Variants in C8orf34 observed in about 807,000 individuals in gnomAD.
C8orf34 encodes the protein chromosome 8 open reading frame 34.
In C8orf34, 65 loss-of-function variants were observed where a neutral mutation model predicts 68.3. That is an observed-to-expected ratio of 0.95 (90% CI 0.78 to 1.17). The LOEUF is 1.17. Ranked by LOEUF, C8orf34 falls within the 50% of genes most tolerant of loss-of-function variation. C8orf34 has a pLI of 0.00. For synonymous variants in C8orf34, 244 were observed against 241.2 expected (o/e 1.01, Z -0.11); for missense variants, 664 against 655.4 (o/e 1.01, Z -0.14).
intron 4 of C8orf34, among the ~76,000 whole-genome samples, chr8:68,485,522 G>A (rs1813036192): frequency 6.6e-6 from 1 of 151,914 alleles, no homozygotes; most frequent in African/African-American, 2.4e-5. Flanking sequence ...GACCAGCCTG[G>A]TCAACATGGT....
intron 1 of C8orf34, among the ~76,000 whole-genome samples, chr8:68,414,186 T>C (rs1043066955): frequency 6.6e-6 from 1 of 152,200 alleles, no homozygotes; most frequent in African/African-American, 2.4e-5. Flanking sequence ...CTCTAATGTA[T>C]TACTCTGCCT....
chr8:68,523,096 T>C (rs974221035), intron 6 of C8orf34, among the ~76,000 whole-genome samples: 4 of 152,186 alleles, frequency 2.6e-5, no homozygotes, highest in African/African-American at 4.8e-5. Context: ...GAAATAACTT[T>C]TAAATTATTT....
At chr8:68,753,627 A>G (rs1822767030) in intron 10 of C8orf34, among the ~76,000 whole-genome samples, 1 of 152,212 alleles carries the variant, frequency 6.6e-6, no homozygotes, top group African/African-American at 2.4e-5. Context: ...AGATTTACAA[A>G]GTAACAGCAT....
chr8:68,801,394 T>C (rs1166916858), intron 12 of C8orf34, among the ~76,000 whole-genome samples: 1 of 152,198 alleles, frequency 6.6e-6, no homozygotes, highest in East Asian at 1.9e-4. Context: ...TACTGTCCAG[T>C]TTGCCATGGT....
intron 11 of C8orf34, among the ~76,000 whole-genome samples, chr8:68,782,495 C>A (rs1288895661): frequency 2.7e-5 from 4 of 147,458 alleles, no homozygotes; most frequent in Non-Finnish European, 5.9e-5. Context: ...ACATTCTACT[C>A]TCTAAAGGAA....
intron 8 of C8orf34, among the ~76,000 whole-genome samples, chr8:68,670,623 C>G (rs1284696565): frequency 1.3e-5 from 2 of 152,046 alleles, no homozygotes; most frequent in Non-Finnish European, 2.9e-5. Flanking sequence ...CATTTAATTC[C>G]TCTAAAAATC....
At chr8:68,808,411 A>G (rs1337327981) in intron 12 of C8orf34, among the ~76,000 whole-genome samples, 2 of 152,072 alleles carry the variant, frequency 1.3e-5, no homozygotes, top group Non-Finnish European at 2.9e-5. Flanking sequence ...TATGTGCTTG[A>G]TAAATATTAG....
intron 5 of C8orf34, among the ~76,000 whole-genome samples, chr8:68,502,152 G>A (rs541095179): frequency 6.8e-4 from 104 of 152,142 alleles, no homozygotes; most frequent in Admixed American, 5.2e-3. Context: ...TGTAACCTCC[G>A]CCTCCCAGGT....
At chr8:68,768,915 T>C (rs1823260912) in intron 10 of C8orf34, among the ~76,000 whole-genome samples, 1 of 152,120 alleles carries the variant, frequency 6.6e-6, no homozygotes, top group Non-Finnish European at 1.5e-5. Flanking sequence ...TTAAGTATAT[T>C]ACTTCATTCT....
At chr8:68,803,726 G>A (rs961157030) in intron 12 of C8orf34, among the ~76,000 whole-genome samples, 24 of 152,076 alleles carry the variant, frequency 1.6e-4, no homozygotes, top group Non-Finnish European at 3.1e-4. Context: ...GTACATATAA[G>A]ATAATAGATA....
At chr8:68,651,680 T>C (rs1278056834) in intron 8 of C8orf34, among the ~76,000 whole-genome samples, 1 of 152,114 alleles carries the variant, frequency 6.6e-6, no homozygotes, top group Non-Finnish European at 1.5e-5. Context: ...TGTTCTTGCT[T>C]ATAAGTGGGA....
chr8:68,647,964 A>G (rs537348999), intron 8 of C8orf34, among the ~76,000 whole-genome samples: 1 of 152,354 alleles, frequency 6.6e-6, no homozygotes, highest in Non-Finnish European at 1.5e-5. Context: ...CAAAATTTAT[A>G]AAGAATCTAA....
intron 7 of C8orf34, among the ~76,000 whole-genome samples, chr8:68,589,593 G>GAAGA (rs1817314611): frequency 7.5e-6 from 1 of 133,790 alleles, no homozygotes; most frequent in African/African-American, 2.9e-5. Flanking sequence ...AAGGATGAAG[G>GAAGA]AAGGAAGGAA....
chr8:68,717,770 A>T (rs1391018531), intron 9 of C8orf34, among the ~76,000 whole-genome samples: 5 of 152,100 alleles, frequency 3.3e-5, no homozygotes, highest in South Asian at 2.1e-4. Context: ...AATAAATATT[A>T]AAAAAACTGC....
At chr8:68,738,303 G>A (rs369479553) in intron 10 of C8orf34, among the ~76,000 whole-genome samples, 71 of 152,206 alleles carry the variant, frequency 4.7e-4, no homozygotes, top group African/African-American at 1.6e-3. Context: ...CTAAGGCAGT[G>A]TTAAGAGGGA....
At chr8:68,657,310 C>A (rs780965893) in intron 8 of C8orf34, among the ~76,000 whole-genome samples, 5 of 152,032 alleles carry the variant, frequency 3.3e-5, no homozygotes, top group East Asian at 1.9e-4. Flanking sequence ...AGAGGTGGGG[C>A]CTTTGGGAGG....
chr8:68,762,207 A>G (rs1052748606), intron 10 of C8orf34, among the ~76,000 whole-genome samples: 9 of 152,198 alleles, frequency 5.9e-5, no homozygotes, highest in Non-Finnish European at 1.3e-4. Context: ...CGGAGCTTCA[A>G]AGAGTATCCT....
At chr8:68,477,248 G>T (rs1395959427) in intron 4 of C8orf34, among the ~76,000 whole-genome samples, 1 of 152,228 alleles carries the variant, frequency 6.6e-6, no homozygotes, top group Non-Finnish European at 1.5e-5. Context: ...ATCAGGGGTA[G>T]GGACTTCTAT....
At chr8:68,644,242 G>T (rs957740112) in intron 8 of C8orf34, among the ~76,000 whole-genome samples, 2 of 152,156 alleles carry the variant, frequency 1.3e-5, no homozygotes, top group African/African-American at 2.4e-5. Flanking sequence ...AGGGGAGAGG[G>T]TAAGGGGAAT....
Sources: allele counts gnomAD v4.1 joint callset (sites outside exome capture counted in the v4.1 genomes callset), GRCh38; gene constraint gnomAD v4.1.1; transcripts MANE v1.5; gene names NCBI Gene and HGNC (gene_info 2026-07-23, HGNC 2026-07-21).